Variants in SLC39A14 observed in about 807,000 individuals in gnomAD.
SLC39A14 encodes solute carrier family 39 member 14.
SLC39A14 carries 19 observed loss-of-function variants against 45.5 expected under a neutral mutation model. The ratio of observed to expected loss-of-function variants is 0.42; its 90% CI spans 0.29 to 0.61. The LOEUF (loss-of-function observed/expected upper bound fraction) is 0.61, where lower values mean the gene tolerates loss of function less well. Among genes scored for constraint, SLC39A14 ranks in the 20% least tolerant of loss-of-function variants. SLC39A14 has a pLI of 0.22. For synonymous variants in SLC39A14, 264 were observed against 251.3 expected (o/e 1.05, Z -0.48); for missense variants, 447 against 616.5 (o/e 0.73, Z 2.91).
At chr8:22,387,013 C>T (rs1833828715) in intron 1 of SLC39A14, among the ~76,000 whole-genome samples, 4 of 151,790 alleles carry the variant, frequency 2.6e-5, no homozygotes. Context: ...CTCTACAAAA[C>T]AATAAAAAAA....
At chr8:22,402,226 A>G (rs1272499941) in intron 1 of SLC39A14, among the ~76,000 whole-genome samples, 1 of 152,078 alleles carries the variant, frequency 6.6e-6, no homozygotes, top group East Asian at 1.9e-4. Context: ...CTAAAAATAC[A>G]AAAACAAAAT....
At chr8:22,393,698 G>A (rs920723864) in intron 1 of SLC39A14, among the ~76,000 whole-genome samples, 2 of 152,094 alleles carry the variant, frequency 1.3e-5, no homozygotes, top group Non-Finnish European at 2.9e-5. Flanking sequence ...TTGAGACAAG[G>A]TCTTTCTCTG....
Position 22,421,643 on chromosome 8 carries a change from A to C in SLC39A14, c.*1945A>C. On this transcript the variant is annotated 3_prime_UTR_variant, in exon 9 of 9. Transcript: ENST00000381237. ...AAGCTGCTTTCAGGAGCTAGCAGAA[A>C]ATAACTCAAAGTTGAAGACTCTGGA... is the stretch of plus-strand genomic sequence containing the variant. 5 of 985,852 alleles carry C rather than the reference A, an allele frequency of 5.1e-6. No individual in the cohort carries two copies. Among genetic ancestry groups the C allele is most frequent in the Non-Finnish European group, 6.0e-6 (5 of 829,914 alleles). 61.1% of individuals were successfully genotyped at this position (985,852 alleles called of 1,614,324 possible). A position where few individuals can be genotyped will look rare whatever the true frequency, so the allele number is the denominator to read the frequency against.
At chr8:22,402,204 A>G (rs774664430) in intron 1 of SLC39A14, among the ~76,000 whole-genome samples, 2 of 151,912 alleles carry the variant, frequency 1.3e-5, no homozygotes, top group Non-Finnish European at 2.9e-5. Context: ...ACACAGTGAA[A>G]CCCCGTCTCT....
At chr8:22,401,543 C>CTTTTTTTTTTTTTTTTTTTT (rs71544899) in intron 1 of SLC39A14, among the ~76,000 whole-genome samples, 7 of 84,054 alleles carry the variant, frequency 8.3e-5, no homozygotes, top group East Asian at 4.1e-4. Flanking sequence ...TCTTCTCTTT[C>CTTTTTTTTTTTTTTTTTTTT]TTTTTTTTTT....
chr8:22,382,921 T>C (rs1476358493), intron 1 of SLC39A14, among the ~76,000 whole-genome samples: 1 of 151,952 alleles, frequency 6.6e-6, no homozygotes. Context: ...TTTCACTATG[T>C]TGGCCAGGTT....
chr8:22,375,979 A>G (rs1833194505), intron 1 of SLC39A14, among the ~76,000 whole-genome samples: 1 of 152,218 alleles, frequency 6.6e-6, no homozygotes, highest in Non-Finnish European at 1.5e-5. Flanking sequence ...TGCAGGCCTT[A>G]TTTAAACGTC....
Position 22,422,610 on chromosome 8 carries a change from A to G in SLC39A14, c.*2912A>G. 26 of 983,814 alleles carry G rather than the reference A, an allele frequency of 2.6e-5. No individual in the cohort carries two copies. The highest frequency in any genetic ancestry group is 3.0e-5 in the Non-Finnish European group (25 of 828,172). 60.9% of individuals were successfully genotyped at this position (983,814 alleles called of 1,614,324 possible). On this transcript the variant is annotated 3_prime_UTR_variant, in exon 9 of 9. Transcript: ENST00000381237. ...TGTATGAGAAGAAATTAGAAAAGAAAATTAACTTATGTGGACTGTAAATGT... is the reference window on the plus strand; with the variant it reads ...TGTATGAGAAGAAATTAGAAAAGAAGATTAACTTATGTGGACTGTAAATGT...
intron 1 of SLC39A14, among the ~76,000 whole-genome samples, chr8:22,400,364 C>T (rs1026746187): frequency 6.6e-6 from 1 of 152,220 alleles, no homozygotes; most frequent in African/African-American, 2.4e-5. Context: ...GCAAGGTCTG[C>T]AATCGGTAAA....
chr8:22,375,429 C>T (rs771341214), intron 1 of SLC39A14, among the ~76,000 whole-genome samples: 1 of 150,004 alleles, frequency 6.7e-6, no homozygotes, highest in Non-Finnish European at 1.5e-5. Context: ...TGGCTATCTA[C>T]ACCCATCTTA....
chr8:22,411,278 G>A (rs1835549907), intron 3 of SLC39A14, among the ~76,000 whole-genome samples: 1 of 152,184 alleles, frequency 6.6e-6, no homozygotes, highest in South Asian at 2.1e-4. Context: ...TTTGGGCCTG[G>A]ACAGAGTGTC....
intron 1 of SLC39A14, among the ~76,000 whole-genome samples, chr8:22,375,400 T>G (rs75414768): frequency 0.034 from 5,159 of 151,780 alleles, 206 homozygotes; most frequent in African/African-American, 0.093. Context: ...GTTTTTTTTT[T>G]GGGGGGAGGG....
rs1390550535 is a variant in SLC39A14, at chr8:22,421,032, G to C, written c.*1334G>C. Reference sequence around the variant, plus strand: ...GTGGAGCCCTTGCCTCCGAGCTCTGGCTTCAAGGGGAGCTCTTCTCCAGGT... The same window carrying C: ...GTGGAGCCCTTGCCTCCGAGCTCTGCCTTCAAGGGGAGCTCTTCTCCAGGT... On this transcript the variant is annotated 3_prime_UTR_variant, in exon 9 of 9. Coordinates refer to ENST00000381237, the MANE Select transcript of SLC39A14 (RefSeq NM_001128431.4). 3 of 985,742 alleles carry C rather than the reference G, an allele frequency of 3.0e-6. No individual in the cohort carries two copies. Among genetic ancestry groups the C allele is most frequent in the Non-Finnish European group, 3.6e-6 (3 of 829,956 alleles). 61.1% of individuals were successfully genotyped at this position (985,742 alleles called of 1,614,324 possible).
intron 1 of SLC39A14, among the ~76,000 whole-genome samples, chr8:22,391,790 G>C (rs935929316): frequency 6.6e-6 from 1 of 152,132 alleles, no homozygotes; most frequent in African/African-American, 2.4e-5. Context: ...GGGTGGTCTT[G>C]AACTCCTGAC....
Position 22,417,652 on chromosome 8 carries a change from A to G in SLC39A14, c.1149A>G (p.Gly383=). Residue 383 remains glycine, a splice_region_variant and synonymous_variant, in exon 8 of 9, where the codon GGA becomes GGG. Coordinates refer to ENST00000381237, the MANE Select transcript of SLC39A14 (RefSeq NM_001128431.4). ...ILCEEFPHEL[G]DFVILLNAGM... ...CCCTTTTCATTCTCGCTGCTGTAGG[A>G]GACTTTGTCATCCTGCTCAACGCTG... is the stretch of plus-strand genomic sequence containing the variant. 1 of 1,612,272 alleles carries G rather than the reference A, an allele frequency of 6.2e-7. No individual in the cohort carries two copies. The highest frequency in any genetic ancestry group is 1.1e-5 in the South Asian group (1 of 90,794).
At chr8:22,423,654 T>G (rs1358454795), downstream of SLC39A14, among the ~76,000 whole-genome samples, 1 of 151,760 alleles carries the variant, frequency 6.6e-6, no homozygotes, top group African/African-American at 2.4e-5. Flanking sequence ...TTAATAGAGA[T>G]GGGGTTGCGC....
In SLC39A14 at chr8:22,412,031, C is replaced by T. The variant is rs375906925; in HGVS notation, c.458-6C>T. The T allele has an allele frequency of 4.5e-5, 70 of 1,549,548 alleles. No homozygotes were observed. Among genetic ancestry groups the T allele is most frequent in the African/African-American group, 3.4e-4 (25 of 73,052 alleles). On this transcript the variant is annotated splice_polypyrimidine_tract_variant and splice_region_variant and intron_variant, in intron 3 of 8. Coordinates refer to ENST00000381237, the MANE Select transcript of SLC39A14 (RefSeq NM_001128431.4). ...GGGTGGGGCTGGCCCTCCCTCCGCA[C>T]GGCAGTGTGGGGATACGGTCTCCTC...
chr8:22,425,752 A>C (rs1265024358), downstream of SLC39A14, among the ~76,000 whole-genome samples: 1 of 151,642 alleles, frequency 6.6e-6, no homozygotes. Flanking sequence ...TATCCTTTGT[A>C]ACAGCAATCC....
intron 8 of SLC39A14, among the ~76,000 whole-genome samples, chr8:22,432,783 G>A (rs943374550): frequency 1.0e-4 from 15 of 149,538 alleles, no homozygotes; most frequent in African/African-American, 2.7e-4. Flanking sequence ...AAGTAGCTGG[G>A]ATTACAGGCA....
Sources: gnomAD v4.1 joint callset for allele counts (sites outside exome capture counted in the v4.1 genomes callset) on GRCh38, gnomAD v4.1.1 for gene constraint, MANE v1.5 for transcripts, NCBI Gene and HGNC (gene_info 2026-07-23, HGNC 2026-07-21) for gene names.